The following USF2 variants were observed in gnomAD, a reference collection of about 807,000 sequenced individuals.
The protein encoded by USF2 is upstream transcription factor 2, c-fos interacting, also known as upstream stimulatory factor 2.
In USF2, 16 loss-of-function variants were observed where a neutral mutation model predicts 46.9. That is an observed-to-expected ratio of 0.34 (90% CI 0.23 to 0.52). The LOEUF is 0.52. USF2 is among the 20% of genes least tolerant of loss of function. USF2 has a pLI of 0.96. For missense variants in USF2, 411 were observed against 474.0 expected (o/e 0.87, Z 1.23); for synonymous variants, 239 against 194.1 (o/e 1.23, Z -1.92).
Position 35,270,548 on chromosome 19 carries a change from T to C in USF2, c.531T>C (p.Asp177=), listed in dbSNP as rs769351454. ...ATTTCCCAGCGTCCAGTGTGGGAGA[T>C]ACTACGGCTGTGTCCGTACAGACCA... ...FAYFPASSVG[D]TTAVSVQTTD... The change falls in exon 5 of 10, where the codon GAT becomes GAC. Residue 177 remains aspartate, a synonymous_variant. Transcript: ENST00000222305. The C allele has an allele frequency of 1.9e-6, 3 of 1,613,988 alleles. No homozygotes were observed. The East Asian group carries it at 6.7e-5, about 36-fold the overall frequency.
At position 35,270,728 on chromosome 19, in the gene USF2, C is replaced by T. The variant is rs1350302869; in HGVS notation, c.591C>T (p.Tyr197=). ...DQSLQAGGQF[Y]VMMTPQDVLQ... is the part of the protein sequence containing the mutation. ...CCACTCTCCCTGCAGGCCAGTTCTA[C>T]GTCATGATGACGCCCCAGGATGTGC... Residue 197 remains tyrosine, a synonymous_variant, in exon 6 of 10, where the codon TAC becomes TAT. Transcript: ENST00000222305. 3.7e-6 allele frequency: 6 copies of T among 1,614,094 alleles called. No homozygotes were observed. Among genetic ancestry groups the T allele is most frequent in the Non-Finnish European group, 4.2e-6 (5 of 1,180,006 alleles).
chr19:35,270,289 C>T (rs565520878), intron 4 of USF2, 158 bp from the exon 5 acceptor site: 1 of 1,164,568 alleles, frequency 8.6e-7, no homozygotes, highest in Non-Finnish European at 1.2e-6. Context: ...CCGCCATGTT[C>T]CAGGGCTGTT....
At chr19:35,271,331 A>C (rs1466379967) in intron 7 of USF2, among the ~76,000 whole-genome samples, 190 bp downstream of exon 7, 1 of 152,230 alleles carries the variant, frequency 6.6e-6, no homozygotes, top group East Asian at 1.9e-4. Flanking sequence ...AAGTAGAGGG[A>C]CAGGGAGTGT....
intron 4 of USF2, 108 bp downstream of exon 4, chr19:35,270,111 T>A: frequency 2.4e-6 from 3 of 1,228,258 alleles, no homozygotes; most frequent in Non-Finnish European, 3.2e-6. Context: ...CAGCGGATGC[T>A]GCCTTCAGGC....
chr19:35,269,655 C>G lies in USF2; in HGVS notation c.184C>G (p.His62Asp), dbSNP rs771058625. Residue 62 changes from histidine (H) to aspartate (D), a missense_variant, in exon 3 of 10, where the codon CAC (histidine) becomes GAC (aspartate). Physicochemically the swap from His to Asp is moderately conservative, Grantham distance 81 (BLOSUM62 -1). Coordinates refer to ENST00000222305, the MANE Select transcript of USF2 (RefSeq NM_003367.4). The part of the protein sequence containing the change: ...TSVQQAAFGD[H>D]NIQYQFRTET... ...CGTCCAGCAGGCGGCGTTCGGCGAC[C>G]ACAACATCCAGTACCAGTTCCGCAC... The G allele has an allele frequency of 6.9e-6, 11 of 1,595,250 alleles. No individual in the cohort carries two copies. Among genetic ancestry groups the G allele is most frequent in the Admixed American group, 3.4e-5 (2 of 58,350 alleles).
In USF2 at chr19:35,269,621, C is replaced by T. The variant is rs1395508264; in HGVS notation, c.150C>T (p.Ala50=). The change falls in exon 3 of 10, where the codon GCC becomes GCT. Residue 50 remains alanine, a synonymous_variant. Transcript: ENST00000222305. ...GPGAEEQTAV[A]ITSVQQAAFG... ...GAGCGGAGGAGCAGACAGCGGTGGCCATCACCAGCGTCCAGCAGGCGGCGT... is the reference window on the plus strand; with the variant it reads ...GAGCGGAGGAGCAGACAGCGGTGGCTATCACCAGCGTCCAGCAGGCGGCGT... 1.1e-5 allele frequency: 17 copies of T among 1,597,878 alleles called. No homozygotes were observed. Among genetic ancestry groups the T allele is most frequent in the African/African-American group, 1.4e-5 (1 of 73,888 alleles).
chr19:35,269,672 G>A lies in USF2; in HGVS notation c.201G>A (p.Gln67=). 4 of 1,493,632 alleles carry A rather than the reference G, an allele frequency of 2.7e-6. No homozygotes were observed. Among genetic ancestry groups the A allele is most frequent in the Non-Finnish European group, 3.6e-6 (4 of 1,114,428 alleles). The allele number at this position is 1,493,632 out of a possible 1,614,324, so 92.5% of individuals were successfully genotyped here. The part of the protein sequence containing the change: ...AAFGDHNIQY[Q]FRTETNGGQV... The stretch of plus-strand genomic sequence containing the variant: ...TCGGCGACCACAACATCCAGTACCA[G>A]TTCCGCACAGAGACAAATGGAGGAC... The change falls in exon 3 of 10, where the codon CAG becomes CAA. Residue 67 remains glutamine (Q), a synonymous_variant. Transcript: ENST00000222305.
At position 35,279,169 on chromosome 19, in the gene USF2, C is replaced by T. The variant is rs369650457; in HGVS notation, c.954C>T (p.Ile318=). The change falls in exon 10 of 10, where the codon ATC becomes ATT. Residue 318 remains isoleucine, a splice_region_variant and synonymous_variant. Coordinates refer to ENST00000222305, the MANE Select transcript of USF2 (RefSeq NM_003367.4). ...TTGACCTCCGTCGTGTCCGCCAGAT[C>T]GAGGAGCTGAAGAATGAGAACGCCC... ...QMDNELLRQQ[I]EELKNENALL... 1.5e-5 allele frequency: 24 copies of T among 1,608,828 alleles called. No individual in the cohort carries two copies. The highest frequency in any genetic ancestry group is 4.4e-5 in the South Asian group (4 of 90,404).
intron 7 of USF2, chr19:35,277,174 C>T (rs1298099880): frequency 6.6e-6 from 1 of 152,440 alleles, no homozygotes; most frequent in African/African-American, 2.4e-5. Flanking sequence ...GTGTGGTTGT[C>T]TTTGGTGGGA....
intron 7 of USF2, among the ~76,000 whole-genome samples, chr19:35,274,851 C>T (rs10402762): frequency 0.036 from 5,434 of 152,250 alleles, 299 homozygotes; most frequent in African/African-American, 0.12. Flanking sequence ...GGCATGTGTG[C>T]GCTGCCTGAA....
intron 7 of USF2, among the ~76,000 whole-genome samples, chr19:35,274,747 A>T (rs913958124): frequency 1.3e-5 from 2 of 152,220 alleles, no homozygotes; most frequent in African/African-American, 4.8e-5. Context: ...CAGAGGTTGC[A>T]GTGAGCTGAG....
At position 35,269,891 on chromosome 19, in the gene USF2, C is replaced by T; in HGVS notation, c.317C>T (p.Ala106Val). Residue 106 changes from alanine (A) to valine (V), a missense_variant, in exon 4 of 10, where the codon GCC becomes GTC. Physicochemically the swap from Ala to Val is moderately conservative, Grantham distance 64. Around this residue, in one of 2 missense-constraint regions of USF2, gnomAD observed 318 missense variants for 322.4 expected, o/e 0.99. Transcript: ENST00000222305. The part of the protein sequence containing the change: ...AGAVSVVSTA[A>V]FAGGQQAVTQ... ...GCCGTCAGCGTCGTGTCCACCGCTG[C>T]CTTCGCGGGGGGGCAGCAGGCTGTG... 2 of 1,406,692 alleles carry T rather than the reference C, an allele frequency of 1.4e-6. No individual in the cohort carries two copies. Among genetic ancestry groups the T allele is most frequent in the Non-Finnish European group, 1.8e-6 (2 of 1,089,344 alleles). 87.1% of individuals were successfully genotyped at this position (1,406,692 alleles called of 1,614,324 possible).
intron 7 of USF2, 54 bp from the exon 8 acceptor site, chr19:35,278,644 C>T: frequency 6.3e-7 from 1 of 1,582,128 alleles, no homozygotes; most frequent in Admixed American, 1.7e-5. Flanking sequence ...GTGAGGACGG[C>T]CGCTCAGGCA....
In USF2 at chr19:35,270,806, G is replaced by A; in HGVS notation, c.668+1G>A. The A allele has an allele frequency of 6.2e-7, 1 of 1,614,132 alleles. No individual in the cohort carries two copies. Among genetic ancestry groups the A allele is most frequent in the Non-Finnish European group, 8.5e-7 (1 of 1,180,022 alleles). On this transcript the variant is annotated splice_donor_variant, in intron 6 of 9. Transcript: ENST00000222305. LOFTEE classifies it high-confidence loss of function. ...CCCCCCGGACACACCCTTACTCTCC[G>A]TATGTGCAGGGGACACCTGGAGGGC...
At chr19:35,273,707 G>A (rs993078117) in intron 7 of USF2, among the ~76,000 whole-genome samples, 6 of 152,006 alleles carry the variant, frequency 3.9e-5, no homozygotes, top group African/African-American at 9.7e-5. Context: ...ACAGGCAGGC[G>A]TCATCACATG....
intron 7 of USF2, chr19:35,278,298 C>T (rs1380791663): frequency 5.1e-6 from 1 of 195,546 alleles, no homozygotes. Context: ...TCTGTCCATC[C>T]CTGCCTTCCA....
In USF2 at chr19:35,270,471, A is replaced by G; in HGVS notation, c.454A>G (p.Asn152Asp). The G allele has an allele frequency of 1.2e-6, 2 of 1,613,762 alleles. No individual in the cohort carries two copies. The highest frequency in any genetic ancestry group is 1.7e-6 in the Non-Finnish European group (2 of 1,179,946). ...PLAVIQNPFS[N>D]GGSPAAEAVS... Reference sequence around the variant, plus strand: ...GGCTGTGATCCAAAATCCCTTCAGCAATGGTGGCAGTCCGGCGGCCGAGGC... The same window carrying G: ...GGCTGTGATCCAAAATCCCTTCAGCGATGGTGGCAGTCCGGCGGCCGAGGC... Residue 152 changes from asparagine (N) to aspartate (D), a missense_variant, in exon 5 of 10, where the codon AAT becomes GAT. Around this residue, in one of 2 missense-constraint regions of USF2, gnomAD observed 318 missense variants for 322.4 expected, o/e 0.99. Coordinates refer to ENST00000222305, the MANE Select transcript of USF2 (RefSeq NM_003367.4).
rs939596859 is a variant in USF2, at chr19:35,272,180, C to T, written c.727+1039C>T. Reference sequence around the variant, plus strand: ...ACTACGACCAGCCCCCCTTTTGCGTCCTCAGATATGGCAATGCAGCAGATG... The same window carrying T: ...ACTACGACCAGCCCCCCTTTTGCGTTCTCAGATATGGCAATGCAGCAGATG... On this transcript the variant is annotated intron_variant, in intron 7 of 9. Coordinates refer to ENST00000222305, the MANE Select transcript of USF2 (RefSeq NM_003367.4). Among the ~76,000 whole-genome samples, 6 of 152,266 alleles carry T rather than the reference C, an allele frequency of 3.9e-5. No homozygotes were observed. The East Asian group carries it at 5.8e-4, about 15-fold the overall frequency.
chr19:35,271,181 C>T (rs751907242), intron 7 of USF2, 40 bp downstream of exon 7: 55 of 1,612,408 alleles, frequency 3.4e-5, no homozygotes, highest in Non-Finnish European at 4.5e-5. Context: ...CTGACCACCA[C>T]CCTCACAGGC....
Sources: allele counts gnomAD v4.1 joint callset (sites outside exome capture counted in the v4.1 genomes callset), GRCh38; gene constraint gnomAD v4.1.1; regional missense constraint gnomAD v4.1.1; transcripts MANE v1.5; gene names NCBI Gene and HGNC (gene_info 2026-07-23, HGNC 2026-07-21).